Variants in QKI observed in about 807,000 individuals in gnomAD.
The protein encoded by QKI is QKI, KH domain containing RNA binding.
Under a neutral mutation model 39.0 loss-of-function variants are expected in QKI, and 10 were observed. The observed-to-expected ratio is 0.26, with a 90% confidence interval of 0.16 to 0.43. The LOEUF is 0.43. Ranked by LOEUF, QKI falls within the 20% of genes least tolerant of loss-of-function variation. The pLI, the probability that QKI is intolerant of heterozygous loss-of-function variation, is 1.00. For missense variants in QKI, 218 were observed against 428.0 expected (o/e 0.51, Z 4.33); for synonymous variants, 204 against 155.4 (o/e 1.31, Z -2.33).
rs1787278423 is a variant in QKI at position 163,414,792 on chromosome 6, C to G, written c.-402C>G. 3 of 147,012 alleles carry G rather than the reference C, an allele frequency of 2.0e-5. No homozygotes were observed. The South Asian group carries it at 6.0e-4, about 30-fold the overall frequency. The allele number at this position is 147,012 out of a possible 1,614,324, so 9.1% of individuals were successfully genotyped here. On this transcript the variant is annotated 5_prime_UTR_variant, in exon 1 of 8. Coordinates refer to ENST00000361752, the MANE Select transcript of QKI (RefSeq NM_006775.3). ...CCAGAGAGACCCCCCGAGCCCGCGGCACAGGCGGCGGCGGCGCTGAGCGGG... is the reference window on the plus strand; with the variant it reads ...CCAGAGAGACCCCCCGAGCCCGCGGGACAGGCGGCGGCGGCGCTGAGCGGG...
At chr6:163,534,214 C>A (rs1046402079) in intron 3 of QKI, among the ~76,000 whole-genome samples, 9 of 152,088 alleles carry the variant, frequency 5.9e-5, no homozygotes, top group African/African-American at 2.2e-4. Flanking sequence ...ATATTTCTTA[C>A]TAGAAGACAT....
chr6:163,485,845 A>C (rs1777634329), intron 3 of QKI, among the ~76,000 whole-genome samples: 1 of 152,238 alleles, frequency 6.6e-6, no homozygotes, highest in African/African-American at 2.4e-5. Flanking sequence ...AGGGGTGTCC[A>C]ATCTTTTGGC....
intron 1 of QKI, among the ~76,000 whole-genome samples, chr6:163,450,673 G>A (rs901944861): frequency 6.6e-6 from 1 of 151,916 alleles, no homozygotes. Context: ...GAAATGTGAC[G>A]AGGCAGTAAG....
chr6:163,568,357 A>G (rs1045397106), intron 7 of QKI: 1 of 985,546 alleles, frequency 1.0e-6, no homozygotes. Flanking sequence ...GTGCCTTGAG[A>G]TAGTTGGACA....
At chr6:163,442,857 T>C (rs1352312435) in intron 1 of QKI, among the ~76,000 whole-genome samples, 1 of 152,210 alleles carries the variant, frequency 6.6e-6, no homozygotes, top group African/African-American at 2.4e-5. Flanking sequence ...ATTTTTTAAA[T>C]ATAGTATTTA....
chr6:163,555,991 G>T (rs1162822412), intron 4 of QKI, among the ~76,000 whole-genome samples: 1 of 152,160 alleles, frequency 6.6e-6, no homozygotes, highest in East Asian at 1.9e-4. Context: ...CTTTGAATCA[G>T]GTATTCTGGG....
In QKI at chr6:163,489,832, A is replaced by T. The variant is rs543850872; in HGVS notation, c.402+10936A>T. On this transcript the variant is annotated intron_variant, in intron 3 of 7. Coordinates refer to ENST00000361752, the MANE Select transcript of QKI (RefSeq NM_006775.3). ...GAGAAGTTAACCACATATAATTTTT[A>T]TGTCTTGGGCTGGGCATTGAAATTT... is the stretch of plus-strand genomic sequence containing the variant. Among the ~76,000 whole-genome samples the T allele has an allele frequency of 3.9e-5, 6 of 152,216 alleles. No homozygotes were observed. The East Asian group carries it at 1.2e-3, about 29-fold the overall frequency.
chr6:163,508,520 CTTTCTTTCTTTCT>C (rs148722046), intron 3 of QKI, among the ~76,000 whole-genome samples: 102,595 of 139,108 alleles, frequency 0.74, 37,190 homozygotes, highest in East Asian at 0.98. Flanking sequence ...TTCTTTCTTT[CTTTCTTTCTTTCT>C]TTTTTTTTTT....
chr6:163,421,608 A>G (rs887642560), intron 1 of QKI, among the ~76,000 whole-genome samples: 1 of 152,208 alleles, frequency 6.6e-6, no homozygotes, highest in Non-Finnish European at 1.5e-5. Context: ...GTATAATCAT[A>G]TGTGGCTGAT....
intron 7 of QKI, chr6:163,569,092 T>A: frequency 1.1e-6 from 1 of 941,134 alleles, no homozygotes; most frequent in Non-Finnish European, 1.3e-6. Context: ...AAAAATGCTT[T>A]AAGATTCTAT....
At chr6:163,508,335 T>C (rs1002470584) in intron 3 of QKI, among the ~76,000 whole-genome samples, 3 of 152,030 alleles carry the variant, frequency 2.0e-5, no homozygotes, top group African/African-American at 7.2e-5. Context: ...CTGAGTTACA[T>C]CAGAGGGTAA....
chr6:163,512,944 A>C (rs2128235501), intron 3 of QKI, among the ~76,000 whole-genome samples: 1 of 152,298 alleles, frequency 6.6e-6, no homozygotes, highest in South Asian at 2.1e-4. Flanking sequence ...ATTGAAAATT[A>C]TATAGTAGTC....
intron 2 of QKI, among the ~76,000 whole-genome samples, chr6:163,466,634 C>T (rs1023059095): frequency 6.6e-6 from 1 of 152,170 alleles, no homozygotes. Flanking sequence ...AAAGAATCGT[C>T]TCTTCAACAG....
At chr6:163,417,958 T>C (rs544938327) in intron 1 of QKI, among the ~76,000 whole-genome samples, 1 of 152,162 alleles carries the variant, frequency 6.6e-6, no homozygotes, top group African/African-American at 2.4e-5. Flanking sequence ...AAGAAAAATA[T>C]TGGTTTCTGA....
At chr6:163,440,415 AT>A (rs1174382938) in intron 1 of QKI, among the ~76,000 whole-genome samples, 3 of 152,222 alleles carry the variant, frequency 2.0e-5, no homozygotes, top group African/African-American at 7.2e-5. Context: ...AATCTACCTG[AT>A]AATAATGGAA....
chr6:163,563,520 G>A lies in QKI; in HGVS notation c.735G>A (p.Thr245=), dbSNP rs150176755. The change falls in exon 6 of 8, where the codon ACG becomes ACA. Residue 245 remains threonine (T), a synonymous_variant. Coordinates refer to ENST00000361752, the MANE Select transcript of QKI (RefSeq NM_006775.3). ...VLPPAALRTP[T]PAGPTIMPLI... ...CACCAGCTGCCCTGCGTACTCCTAC[G>A]CCAGCTGGCCCTACCATAATGCCTT... 5.0e-6 allele frequency: 8 copies of A among 1,614,120 alleles called. No homozygotes were observed. Among genetic ancestry groups the A allele is most frequent in the South Asian group, 1.1e-5 (1 of 91,082 alleles).
chr6:163,533,988 T>A (rs1781038852), intron 3 of QKI, among the ~76,000 whole-genome samples: 1 of 152,228 alleles, frequency 6.6e-6, no homozygotes, highest in South Asian at 2.1e-4. Context: ...AGGTAAATAG[T>A]AACTTCTAAA....
intron 3 of QKI, among the ~76,000 whole-genome samples, chr6:163,483,849 A>G (rs550275940): frequency 1.8e-4 from 28 of 152,210 alleles, no homozygotes; most frequent in Non-Finnish European, 3.5e-4. Context: ...GAGGTTTTCA[A>G]TATACTTTGC....
chr6:163,499,711 G>A (rs1473087123), intron 3 of QKI, among the ~76,000 whole-genome samples: 1 of 148,460 alleles, frequency 6.7e-6, no homozygotes, highest in Non-Finnish European at 1.5e-5. Context: ...CTACCCACCC[G>A]CCACCCCCTA....
Sources: allele counts gnomAD v4.1 joint callset (sites outside exome capture counted in the v4.1 genomes callset), GRCh38; gene constraint gnomAD v4.1.1; transcripts MANE v1.5; gene names NCBI Gene and HGNC (gene_info 2026-07-23, HGNC 2026-07-21).